CD96: variants seen among roughly 807,000 people sequenced by gnomAD.
CD96 encodes the protein T-cell surface protein tactile.
CD96 carries 70 observed loss-of-function variants against 71.3 expected under a neutral mutation model. The ratio of observed to expected loss-of-function variants is 0.98; its 90% confidence interval spans 0.81 to 1.20. CD96 has a LOEUF of 1.20. Among genes scored for constraint, CD96 ranks in the 50% most tolerant of loss-of-function variants. CD96 has a pLI of 0.00. For synonymous variants in CD96, 248 were observed against 233.0 expected, an observed-to-expected ratio of 1.06 and a Z score of -0.59; for missense variants, 742 against 677.5, an observed-to-expected ratio of 1.10 and a Z score of -1.06.
intron 12 of CD96, among the ~76,000 whole-genome samples, chr3:111,642,976 C>T (rs913261369): frequency 6.6e-6 from 1 of 151,194 alleles, no homozygotes; most frequent in Non-Finnish European, 1.5e-5. Flanking sequence ...TTCTGTGAAG[C>T]CAGCATCACC....
intron 3 of CD96, among the ~76,000 whole-genome samples, chr3:111,578,452 G>A (rs1287494843): frequency 6.6e-6 from 1 of 152,220 alleles, no homozygotes; most frequent in Non-Finnish European, 1.5e-5. Context: ...TGTGAAATGA[G>A]GCAAGGAGCT....
chr3:111,619,202 G>A (rs1047558901), intron 8 of CD96, among the ~76,000 whole-genome samples: 1 of 152,086 alleles, frequency 6.6e-6, no homozygotes, highest in East Asian at 1.9e-4. Flanking sequence ...ACTCAATTCA[G>A]CACTGACTGG....
At position 111,593,472 on chromosome 3, in the gene CD96, G is replaced by T; in HGVS notation, c.808-4648G>T. 3 of 1,482,044 alleles carry T rather than the reference G, an allele frequency of 2.0e-6. No individual in the cohort carries two copies. In the South Asian group the frequency reaches 4.3e-5, roughly 21 times the overall value. The allele number at this position is 1,482,044 out of a possible 1,614,324, so 91.8% of individuals were successfully genotyped here. On this transcript the variant is annotated intron_variant, in intron 5 of 13. Transcript: ENST00000352690. ...CACCAAACTACTTTGCTTTACATTTGAGTTGAAACTAAAATGGCTCTTTTC... is the reference window on the plus strand; with the variant it reads ...CACCAAACTACTTTGCTTTACATTTTAGTTGAAACTAAAATGGCTCTTTTC...
rs147272580 is a variant in CD96, at chr3:111,552,249, T to C, written c.418+6847T>C. Among the ~76,000 whole-genome samples, 27 of 152,228 alleles carry C rather than the reference T, an allele frequency of 1.8e-4. 1 individual carries two copies. In the East Asian group the frequency reaches 4.4e-3, roughly 25 times the overall value. The stretch of plus-strand genomic sequence containing the variant: ...GGGCTCCACTCTCCTGGAAAAGATT[T>C]GTGGCAATATAAAAATGTGTGTTTG... On this transcript the variant is annotated intron_variant, in intron 2 of 13. Coordinates refer to ENST00000352690, the MANE Select transcript of CD96 (RefSeq NM_005816.5).
intron 5 of CD96, chr3:111,593,356 G>A (rs1360589187): frequency 3.4e-6 from 2 of 595,352 alleles, no homozygotes; most frequent in Non-Finnish European, 5.2e-6. Flanking sequence ...GGTCAGCAGA[G>A]CTCTAGGAAC....
At chr3:111,596,778 C>T (rs940696119) in intron 5 of CD96, among the ~76,000 whole-genome samples, 1 of 152,082 alleles carries the variant, frequency 6.6e-6, no homozygotes, top group Non-Finnish European at 1.5e-5. Flanking sequence ...TCTGGTTTTG[C>T]TTTTAATTTT....
chr3:111,657,282 G>T (rs1200878541), downstream of CD96, among the ~76,000 whole-genome samples: 1 of 152,076 alleles, frequency 6.6e-6, no homozygotes, highest in Non-Finnish European at 1.5e-5. Context: ...GCCAGGCATG[G>T]TGGCATGTGC....
chr3:111,662,940 AATTTTCTGT>A (rs1940392177), intron 14 of CD96, among the ~76,000 whole-genome samples: 1 of 152,218 alleles, frequency 6.6e-6, no homozygotes, highest in Non-Finnish European at 1.5e-5. Flanking sequence ...CTCTGGCACC[AATTTTCTGT>A]ATTAGTCCAT....
chr3:111,615,069 C>T (rs1228048175), intron 8 of CD96, among the ~76,000 whole-genome samples: 1 of 152,196 alleles, frequency 6.6e-6, no homozygotes, highest in East Asian at 1.9e-4. Context: ...CTGCTTTCAA[C>T]GTGAGGTGGC....
At position 111,650,938 on chromosome 3, in the gene CD96, C is replaced by A. The variant is rs1399883777; in HGVS notation, c.*1132C>A. On this transcript the variant is annotated 3_prime_UTR_variant, in exon 14 of 14. Coordinates refer to ENST00000352690, the MANE Select transcript of CD96 (RefSeq NM_005816.5). ...TGTTGTTGACAGATAGAGTGATAGG[C>A]AAATTCTGTGTGGACTTTAGTCCCA... 6.6e-6 allele frequency: 1 copy of A among 152,246 alleles called. No individual in the cohort carries two copies. The highest frequency in any genetic ancestry group is 1.5e-5 in the Non-Finnish European group (1 of 68,052). The allele number at this position is 152,246 out of a possible 1,614,324, so 9.4% of individuals were successfully genotyped here. A position where few individuals can be genotyped will look rare whatever the true frequency, so the allele number is the denominator to read the frequency against.
At chr3:111,542,963 T>G (rs1251859340) in intron 1 of CD96, among the ~76,000 whole-genome samples, 1 of 152,098 alleles carries the variant, frequency 6.6e-6, no homozygotes, top group Non-Finnish European at 1.5e-5. Context: ...GAATTAACTG[T>G]GCTTTTCAGA....
At chr3:111,641,509 T>C (rs1939588815) in intron 12 of CD96, among the ~76,000 whole-genome samples, 1 of 152,110 alleles carries the variant, frequency 6.6e-6, no homozygotes. Flanking sequence ...CAATTACTAA[T>C]AGACCTAAGA....
At chr3:111,626,996 G>A (rs1041835033) in intron 10 of CD96, among the ~76,000 whole-genome samples, 7 of 152,156 alleles carry the variant, frequency 4.6e-5, no homozygotes, top group African/African-American at 1.7e-4. Flanking sequence ...GATGAGACAG[G>A]GAGAAAACAT....
chr3:111,590,249 C>T (rs187774272), intron 5 of CD96, among the ~76,000 whole-genome samples: 100 of 152,340 alleles, frequency 6.6e-4, no homozygotes, highest in African/African-American at 2.3e-3. Context: ...ATGGCTCCAA[C>T]TTCACAAGGG....
chr3:111,646,683 T>A (rs1293742993), intron 12 of CD96, among the ~76,000 whole-genome samples: 1 of 151,652 alleles, frequency 6.6e-6, no homozygotes, highest in East Asian at 1.9e-4. Flanking sequence ...AAAAAAAAAA[T>A]TACTATTTGA....
At chr3:111,577,387 G>C (rs1936266560) in intron 3 of CD96, 1 of 801,816 alleles carries the variant, frequency 1.2e-6, no homozygotes, top group Non-Finnish European at 2.3e-6. Context: ...CCAGTGCTGA[G>C]TGACATGCTC....
rs1385787697 is a variant in CD96, at chr3:111,558,345, G to C, written c.419-9178G>C. Among the ~76,000 whole-genome samples, 4 of 136,656 alleles carry C rather than the reference G, an allele frequency of 2.9e-5. No homozygotes were observed. In the East Asian group the frequency reaches 6.1e-4, roughly 21 times the overall value. 89.7% of individuals were successfully genotyped at this position (136,656 alleles called of 152,430 possible). A position where few individuals can be genotyped will look rare whatever the true frequency, so the allele number is the denominator to read the frequency against. Reference sequence around the variant, plus strand: ...TCAGTATGATATTGGCTGTGGGTTTGTCATAGATAGCTCTTATCATTTTGA... The same window carrying C: ...TCAGTATGATATTGGCTGTGGGTTTCTCATAGATAGCTCTTATCATTTTGA... On this transcript the variant is annotated intron_variant, in intron 2 of 13. Transcript: ENST00000352690.
rs372470485 is a variant in CD96 at position 111,547,084 on chromosome 3, G to A, written c.418+1682G>A. On this transcript the variant is annotated intron_variant, in intron 2 of 13. Coordinates refer to ENST00000352690, the MANE Select transcript of CD96 (RefSeq NM_005816.5). The stretch of plus-strand genomic sequence containing the variant: ...ATATTGGCTCTATCATTTACCATAC[G>A]TTTCATCATTCCCAAGTTGTTTCAA... Among the ~76,000 whole-genome samples the A allele has an allele frequency of 1.7e-3, 259 of 152,196 alleles. 2 individuals carry two copies. Among genetic ancestry groups the A allele is most frequent in the African/African-American group, 5.7e-3 (235 of 41,520 alleles).
intron 10 of CD96, among the ~76,000 whole-genome samples, chr3:111,633,043 C>T (rs182351170): frequency 3.3e-5 from 5 of 152,320 alleles, no homozygotes; most frequent in South Asian, 2.1e-4. Context: ...CAGCTTTTGA[C>T]GTACCTTCCT....
Sources: allele counts gnomAD v4.1 joint callset (sites outside exome capture counted in the v4.1 genomes callset), GRCh38; gene constraint gnomAD v4.1.1; transcripts MANE v1.5; gene names NCBI Gene and HGNC (gene_info 2026-07-23, HGNC 2026-07-21).